Variants in CUX1 observed in about 807,000 individuals in gnomAD.
The protein encoded by CUX1 is cut like homeobox 1.
CUX1 carries 31 observed loss-of-function variants against 158.8 expected under a neutral mutation model. That is an observed-to-expected ratio of 0.20 (90% CI 0.15 to 0.26). The LOEUF is 0.26. Ranked by LOEUF, CUX1 falls within the 10% of genes least tolerant of loss-of-function variation. CUX1 has a pLI of 1.00. For synonymous variants in CUX1, 879 were observed against 862.1 expected (o/e 1.02, Z -0.34); for missense variants, 1,589 against 2,014.6 (o/e 0.79, Z 4.04).
At chr7:102,026,165 CA>C (rs1339230906) in intron 2 of CUX1, among the ~76,000 whole-genome samples, 2 of 151,948 alleles carry the variant, frequency 1.3e-5, no homozygotes, top group South Asian at 4.2e-4. Context: ...GATGACAGAG[CA>C]AGACCCTGTC....
chr7:101,995,257 A>G (rs1815699840), intron 2 of CUX1, among the ~76,000 whole-genome samples: 1 of 152,190 alleles, frequency 6.6e-6, no homozygotes, highest in Admixed American at 6.5e-5. Context: ...AGTCCCATCC[A>G]GGCCGCCATG....
chr7:102,119,218 C>T (rs1172212658), intron 8 of CUX1, among the ~76,000 whole-genome samples: 2 of 152,142 alleles, frequency 1.3e-5, no homozygotes, highest in African/African-American at 2.4e-5. Context: ...TGACTTTCAC[C>T]GCATCACCAC....
chr7:101,990,807 C>T (rs1222324357), intron 2 of CUX1, among the ~76,000 whole-genome samples: 6 of 152,186 alleles, frequency 3.9e-5, no homozygotes, highest in African/African-American at 7.2e-5. Context: ...CATCCCCTTC[C>T]GTGGTCAGGG....
At position 101,866,388 on chromosome 7, in the gene CUX1, G is replaced by C. The variant is rs190088736; in HGVS notation, c.30+48719G>C. Among the ~76,000 whole-genome samples, 626 of 152,130 alleles carry C rather than the reference G, an allele frequency of 4.1e-3. 10 individuals carry two copies. Among genetic ancestry groups the C allele is most frequent in the Admixed American group, 0.037 (570 of 15,276 alleles). On this transcript the variant is annotated intron_variant, in intron 1 of 23. Transcript: ENST00000292535. ...TGGGAGGCTGAGGAACTAGAATCTC[G>C]AACCTGGGAGGTAAAGGTTGCGGTG...
At chr7:102,026,535 G>A (rs1017393183) in intron 2 of CUX1, among the ~76,000 whole-genome samples, 1 of 151,754 alleles carries the variant, frequency 6.6e-6, no homozygotes, top group African/African-American at 2.4e-5. Context: ...CAACTAAAAT[G>A]TAGGCCTAGC....
chr7:102,108,387 C>T (rs991697868), intron 6 of CUX1, among the ~76,000 whole-genome samples: 11 of 152,058 alleles, frequency 7.2e-5, no homozygotes, highest in Admixed American at 5.9e-4. Flanking sequence ...GCTCTGTCAC[C>T]CAGGCTGGAA....
chr7:102,275,171 G>A (rs374742404), intron 16 of CUX1: 1 of 1,060,362 alleles, frequency 9.4e-7, no homozygotes, highest in African/African-American at 1.6e-5. Context: ...CCCAGGGCTG[G>A]GGGACCCACC....
chr7:102,150,402 T>C (rs1835510279), intron 8 of CUX1, among the ~76,000 whole-genome samples: 1 of 152,162 alleles, frequency 6.6e-6, no homozygotes, highest in African/African-American at 2.4e-5. Flanking sequence ...GTGATCCACC[T>C]ACCTCGGCCT....
chr7:102,208,713 G>C (rs998388847), intron 20 of CUX1, among the ~76,000 whole-genome samples: 1 of 152,266 alleles, frequency 6.6e-6, no homozygotes, highest in South Asian at 2.1e-4. Flanking sequence ...GATTGCTACA[G>C]GATTCCGATT....
At chr7:101,895,494 G>A (rs1184458753) in intron 1 of CUX1, among the ~76,000 whole-genome samples, 2 of 152,108 alleles carry the variant, frequency 1.3e-5, no homozygotes, top group Non-Finnish European at 2.9e-5. Flanking sequence ...TGGAAATAAA[G>A]GAACTTGAGA....
At position 102,007,472 on chromosome 7, in the gene CUX1, T is replaced by C. The variant is rs548620257; in HGVS notation, c.142-20626T>C. The stretch of plus-strand genomic sequence containing the variant: ...CCGCCCCTGGGTGCCAGGGCCTGGG[T>C]TCTCTGTGGAAGTCCTGCCAGCTCC... On this transcript the variant is annotated intron_variant, in intron 2 of 23. Coordinates refer to ENST00000292535, the MANE Select transcript of CUX1 (RefSeq NM_181552.4). 5.9e-4 allele frequency among the ~76,000 whole-genome samples: 90 copies of C among 151,866 alleles called. 1 individual carries two copies. The South Asian group carries it at 0.017, about 29-fold the overall frequency.
intron 3 of CUX1, among the ~76,000 whole-genome samples, chr7:102,045,825 G>A (rs79211923): frequency 0.012 from 1,767 of 152,252 alleles, 34 homozygotes; most frequent in African/African-American, 0.037. Context: ...GCTCGAACTC[G>A]GGCAGAGTGG....
At chr7:102,168,970 T>A (rs1791421434) in intron 9 of CUX1, among the ~76,000 whole-genome samples, 1 of 142,564 alleles carries the variant, frequency 7.0e-6, no homozygotes, top group African/African-American at 2.7e-5. Flanking sequence ...TTTGCTCTTG[T>A]TGCCCAGGCT....
chr7:102,194,038 T>G, intron 13 of CUX1, 148 bp downstream of exon 13: 1 of 783,156 alleles, frequency 1.3e-6, no homozygotes, highest in East Asian at 2.5e-5. Flanking sequence ...TTAACCAAGT[T>G]GAAGCAAATT....
chr7:101,870,144 G>GT (rs112866816), intron 1 of CUX1, among the ~76,000 whole-genome samples: 4,180 of 111,038 alleles, frequency 0.038, 351 homozygotes, highest in African/African-American at 0.11. Flanking sequence ...GATGTTTAGT[G>GT]TTTTTTTTGT....
chr7:102,277,934 C>A, intron 17 of CUX1: 6 of 846,844 alleles, frequency 7.1e-6, no homozygotes, highest in Non-Finnish European at 8.7e-6. Flanking sequence ...CCTTTCCTTG[C>A]CCCTCCCCCC....
At chr7:102,116,315 G>C (rs201503) in intron 8 of CUX1, among the ~76,000 whole-genome samples, 95,570 of 151,856 alleles carry the variant, frequency 0.63, 31,607 homozygotes, top group African/African-American at 0.8. Context: ...GCCCAGCTTC[G>C]TAGCCTGGTG....
Position 102,109,294 on chromosome 7 carries a change from C to T in CUX1, c.531-2404C>T, listed in dbSNP as rs369902899. Among the ~76,000 whole-genome samples the T allele has an allele frequency of 1.7e-3, 262 of 152,108 alleles. 2 individuals are homozygous for T. The highest frequency in any genetic ancestry group is 5.4e-3 in the South Asian group (26 of 4,818). ...CTTCTAAATTAATAAGAACAAAATC[C>T]GCTCTACAAAAATAGGCAAAGGAGA... On this transcript the variant is annotated intron_variant, in intron 6 of 23. Transcript: ENST00000292535.
At chr7:101,889,258 CAAAAAAAAAA>C in intron 1 of CUX1, among the ~76,000 whole-genome samples, 1 of 112,734 alleles carries the variant, frequency 8.9e-6, no homozygotes, top group South Asian at 2.9e-4. Context: ...GACCCTGTCT[CAAAAAAAAAA>C]AAAAAAAAAG....
Sources: gnomAD v4.1 joint callset for allele counts (sites outside exome capture counted in the v4.1 genomes callset) on GRCh38, gnomAD v4.1.1 for gene constraint, MANE v1.5 for transcripts, NCBI Gene and HGNC (gene_info 2026-07-23, HGNC 2026-07-21) for gene names.